ERC2: variants seen among roughly 807,000 people sequenced by gnomAD.
ERC2 encodes ELKS/RAB6-interacting/CAST family member 2.
In ERC2, 42 loss-of-function variants were observed where a neutral mutation model predicts 114.8. That is an observed-to-expected ratio of 0.37 (90% CI 0.29 to 0.47). ERC2 has a LOEUF of 0.47. ERC2 is among the 20% of genes least tolerant of loss of function. The pLI is 0.99. For missense variants in ERC2, 939 were observed against 1,150.7 expected (o/e 0.82, Z 2.66); for synonymous variants, 454 against 425.5 (o/e 1.07, Z -0.82).
At chr3:56,254,447 T>G (rs140978192) in intron 3 of ERC2, among the ~76,000 whole-genome samples, 2 of 152,284 alleles carry the variant, frequency 1.3e-5, no homozygotes, top group Admixed American at 6.5e-5. Context: ...TGAGTTAGAA[T>G]TAGCACATTA....
intron 14 of ERC2, among the ~76,000 whole-genome samples, chr3:55,868,440 G>A (rs2062426033): frequency 6.6e-6 from 1 of 152,230 alleles, no homozygotes; most frequent in Non-Finnish European, 1.5e-5. Context: ...AGTGAATGGT[G>A]CCAAGAGAGT....
intron 3 of ERC2, among the ~76,000 whole-genome samples, chr3:56,203,894 C>A (rs1441341022): frequency 1.3e-5 from 2 of 152,166 alleles, no homozygotes; most frequent in African/African-American, 4.8e-5. Flanking sequence ...TAGGAAAAAA[C>A]TAACAGGCCG....
intron 4 of ERC2, among the ~76,000 whole-genome samples, chr3:56,160,195 T>A (rs908415793): frequency 6.6e-6 from 1 of 152,144 alleles, no homozygotes; most frequent in African/African-American, 2.4e-5. Flanking sequence ...GCCATCCTGA[T>A]TGGTGTAAGA....
intron 14 of ERC2, among the ~76,000 whole-genome samples, chr3:55,823,636 A>G (rs1319780536): frequency 6.6e-6 from 1 of 152,232 alleles, no homozygotes; most frequent in African/African-American, 2.4e-5. Context: ...TCCATAGATG[A>G]GTAGCCCAAA....
chr3:56,273,675 G>A (rs6763275), intron 3 of ERC2, among the ~76,000 whole-genome samples: 52,724 of 151,704 alleles, frequency 0.35, 10,059 homozygotes, highest in Middle Eastern at 0.44. Context: ...TTGCACACCA[G>A]AGTAGAAGCT....
chr3:55,746,331 T>G (rs2066298585), intron 14 of ERC2, among the ~76,000 whole-genome samples: 2 of 151,974 alleles, frequency 1.3e-5, no homozygotes, highest in South Asian at 4.2e-4. Context: ...CCTCCCGGGT[T>G]CAAGCGATTC....
chr3:56,225,838 T>A (rs1230781860), intron 3 of ERC2, among the ~76,000 whole-genome samples: 1 of 152,170 alleles, frequency 6.6e-6, no homozygotes, highest in African/African-American at 2.4e-5. Flanking sequence ...GTCATCCTAT[T>A]GATGCTTCCA....
At chr3:56,300,130 G>A (rs577727876) in intron 2 of ERC2, among the ~76,000 whole-genome samples, 37 of 152,110 alleles carry the variant, frequency 2.4e-4, no homozygotes, top group African/African-American at 8.9e-4. Context: ...TGACAGCAAC[G>A]GGAGGGAGGA....
In ERC2 at chr3:56,340,542, A is replaced by ATGTGTGTGTGTGTGTG. The variant is rs10690369; in HGVS notation, c.658-44123_658-44108dup. ...TGTGTGAGAGAGAGAGAGAGAGTGA[A>ATGTGTGTGTGTGTGTG]TGTGTGTGTGTGTGTGTGTGTGTGT... On this transcript the variant is annotated intron_variant, in intron 2 of 17. Transcript: ENST00000288221. Among the ~76,000 whole-genome samples, 689 of 141,514 alleles carry ATGTGTGTGTGTGTGTG rather than the reference A, an allele frequency of 4.9e-3. 1 individual carries two copies. The highest frequency in any genetic ancestry group is 0.014 in the Middle Eastern group (4 of 282). 92.8% of individuals were successfully genotyped at this position (141,514 alleles called of 152,430 possible).
At chr3:56,188,935 A>G (rs2083809197) in intron 3 of ERC2, among the ~76,000 whole-genome samples, 1 of 152,150 alleles carries the variant, frequency 6.6e-6, no homozygotes, top group African/African-American at 2.4e-5. Flanking sequence ...ATAACATCTT[A>G]CTGGCCATTC....
At chr3:55,926,423 A>AAG (rs1553737466) in intron 13 of ERC2, among the ~76,000 whole-genome samples, 1 of 151,474 alleles carries the variant, frequency 6.6e-6, no homozygotes, top group Non-Finnish European at 1.5e-5. Context: ...TTTAAAAAAA[A>AAG]AAAAACTAAA....
intron 14 of ERC2, among the ~76,000 whole-genome samples, chr3:55,830,952 C>A (rs375253703): frequency 6.6e-6 from 1 of 151,704 alleles, no homozygotes; most frequent in East Asian, 1.9e-4. Flanking sequence ...TCTTTAAAAA[C>A]TAAAATAAAA....
At chr3:55,615,069 C>T (rs2059069322) in intron 17 of ERC2, among the ~76,000 whole-genome samples, 1 of 152,130 alleles carries the variant, frequency 6.6e-6, no homozygotes, top group Admixed American at 6.5e-5. Context: ...AGTTATCACC[C>T]CAAAGAAAAA....
chr3:56,425,660 T>C (rs558489601), intron 2 of ERC2, among the ~76,000 whole-genome samples: 65 of 151,434 alleles, frequency 4.3e-4, no homozygotes, highest in African/African-American at 1.4e-3. Flanking sequence ...AGTTTCTTCA[T>C]TTGAATGTGT....
At chr3:56,367,833 G>A (rs1275564347) in intron 2 of ERC2, among the ~76,000 whole-genome samples, 1 of 150,488 alleles carries the variant, frequency 6.6e-6, no homozygotes, top group Non-Finnish European at 1.5e-5. Context: ...AAAAAATCAA[G>A]AGCTGAGATG....
intron 2 of ERC2, among the ~76,000 whole-genome samples, chr3:56,319,985 A>T (rs2057052384): frequency 6.6e-6 from 1 of 152,236 alleles, no homozygotes. Context: ...ATGTAAACTC[A>T]CACTCAAACA....
intron 10 of ERC2, chr3:56,003,133 T>G: frequency 1.6e-6 from 2 of 1,288,580 alleles, no homozygotes; most frequent in South Asian, 2.5e-5. Flanking sequence ...CTGCTCAGCT[T>G]GCTACATTGC....
chr3:56,373,448 T>C lies in ERC2; in HGVS notation c.657+60903A>G, dbSNP rs562863916. Among the ~76,000 whole-genome samples the C allele has an allele frequency of 3.3e-5, 5 of 152,362 alleles. No homozygotes were observed. The East Asian group carries it at 7.7e-4, about 24-fold the overall frequency. The stretch of plus-strand genomic sequence containing the variant: ...GGATGTGTTACTTCCTAAATTTGAA[T>C]ACAGGATATGAACAACCTGGGACAT... On this transcript the variant is annotated intron_variant, in intron 2 of 17. Coordinates refer to ENST00000288221, the MANE Select transcript of ERC2 (RefSeq NM_015576.3).
At chr3:55,747,863 CCAAA>C (rs2066410059) in intron 14 of ERC2, among the ~76,000 whole-genome samples, 1 of 152,200 alleles carries the variant, frequency 6.6e-6, no homozygotes, top group Non-Finnish European at 1.5e-5. Context: ...AAAAGACAGG[CCAAA>C]CAAAGAGCTG....
Sources: allele counts gnomAD v4.1 joint callset (sites outside exome capture counted in the v4.1 genomes callset), GRCh38; gene constraint gnomAD v4.1.1; transcripts MANE v1.5; gene names NCBI Gene and HGNC (gene_info 2026-07-23, HGNC 2026-07-21).